Variants in GLI3 observed in about 807,000 individuals in gnomAD.
GLI3 encodes the protein transcription activator GLI3.
In GLI3, 20 loss-of-function variants were observed where a neutral mutation model predicts 100.8. The ratio of observed to expected loss-of-function variants is 0.20; its 90% CI spans 0.14 to 0.29. The LOEUF (loss-of-function observed/expected upper bound fraction) is 0.29. Among genes scored for constraint, GLI3 ranks in the 10% least tolerant of loss-of-function variants. The pLI, the probability that GLI3 is intolerant of heterozygous loss-of-function variation, is 1.00. For missense variants in GLI3, 2,040 were observed against 2,128.5 expected (o/e 0.96, Z 0.82); for synonymous variants, 938 against 860.5 (o/e 1.09, Z -1.58).
At chr7:42,230,460 G>A (rs77015151) in intron 1 of GLI3, among the ~76,000 whole-genome samples, 2,052 of 152,310 alleles carry the variant, frequency 0.013, 18 homozygotes, top group Middle Eastern at 0.024. Context: ...AGTGAATTTG[G>A]TTTTGGTAAA....
intron 4 of GLI3, among the ~76,000 whole-genome samples, chr7:42,070,310 T>C (rs1784759867): frequency 6.6e-6 from 1 of 152,250 alleles, no homozygotes; most frequent in African/African-American, 2.4e-5. Flanking sequence ...CTTCGCACAC[T>C]GCTGTATTTC....
intron 2 of GLI3, among the ~76,000 whole-genome samples, chr7:42,183,175 G>A (rs1333001604): frequency 1.3e-5 from 2 of 152,160 alleles, no homozygotes; most frequent in African/African-American, 4.8e-5. Context: ...AGTGAGCCGA[G>A]ATTGCGCCAT....
At chr7:42,136,486 C>G (rs1786431250) in intron 3 of GLI3, among the ~76,000 whole-genome samples, 1 of 152,190 alleles carries the variant, frequency 6.6e-6, no homozygotes, top group African/African-American at 2.4e-5. Context: ...TGGGAAATAT[C>G]ACACATATGG....
intron 3 of GLI3, among the ~76,000 whole-genome samples, chr7:42,135,340 A>C (rs1786400698): frequency 6.6e-6 from 1 of 152,128 alleles, no homozygotes; most frequent in South Asian, 2.1e-4. Flanking sequence ...TATTATAGTC[A>C]CTCTTAAAAG....
intron 5 of GLI3, among the ~76,000 whole-genome samples, chr7:42,045,737 A>C (rs1784232569): frequency 6.6e-6 from 1 of 152,230 alleles, no homozygotes; most frequent in Admixed American, 6.5e-5. Context: ...GGAATAGAAA[A>C]AAGTGAAATG....
At chr7:42,180,260 C>A (rs1787566715) in intron 2 of GLI3, among the ~76,000 whole-genome samples, 2 of 152,158 alleles carry the variant, frequency 1.3e-5, no homozygotes, top group Admixed American at 6.5e-5. Flanking sequence ...GAAAACTGAC[C>A]ACTGGTCTAA....
At chr7:42,078,775 A>G (rs918272698) in intron 3 of GLI3, among the ~76,000 whole-genome samples, 9 of 139,898 alleles carry the variant, frequency 6.4e-5, no homozygotes, top group Admixed American at 1.6e-4. Flanking sequence ...AGTCACCCAG[A>G]CTGGAGTGCA....
intron 3 of GLI3, among the ~76,000 whole-genome samples, chr7:42,079,009 G>A (rs1784942382): frequency 6.6e-6 from 1 of 152,096 alleles, no homozygotes; most frequent in Non-Finnish European, 1.5e-5. Flanking sequence ...GATTACAGGC[G>A]TCAGCCACCG....
intron 8 of GLI3, 29 bp from the exon 9 acceptor site, chr7:42,025,406 C>T: frequency 6.5e-7 from 1 of 1,527,492 alleles, no homozygotes; most frequent in South Asian, 1.1e-5. Context: ...GAGCCAGAGA[C>T]AAAAAGATTT....
chr7:42,074,742 A>G (rs1784845406), intron 4 of GLI3, among the ~76,000 whole-genome samples: 1 of 152,172 alleles, frequency 6.6e-6, no homozygotes, highest in Non-Finnish European at 1.5e-5. Context: ...TAAGCTCACC[A>G]TTCTCTGTGC....
chr7:42,232,366 C>T (rs1788710372), intron 1 of GLI3, among the ~76,000 whole-genome samples: 1 of 152,124 alleles, frequency 6.6e-6, no homozygotes, highest in South Asian at 2.1e-4. Context: ...CCCAGTCAAG[C>T]GGAAATCAGA....
chr7:41,999,520 T>C (rs1438485325), intron 10 of GLI3, among the ~76,000 whole-genome samples: 2 of 152,136 alleles, frequency 1.3e-5, no homozygotes, highest in Non-Finnish European at 1.5e-5. Flanking sequence ...GTGGTTATTC[T>C]TGCCCTCATC....
At chr7:42,089,389 T>C (rs1024242391) in intron 3 of GLI3, among the ~76,000 whole-genome samples, 1 of 152,172 alleles carries the variant, frequency 6.6e-6, no homozygotes, top group African/African-American at 2.4e-5. Context: ...AACAAAACAT[T>C]TGAAACAAAG....
intron 1 of GLI3, among the ~76,000 whole-genome samples, chr7:42,229,425 T>G (rs1433434195): frequency 6.6e-6 from 1 of 152,180 alleles, no homozygotes; most frequent in East Asian, 1.9e-4. Context: ...AAGTGAGAAA[T>G]TATTCCGTGT....
chr7:42,195,206 A>G (rs1332994636), intron 2 of GLI3, among the ~76,000 whole-genome samples: 1 of 152,204 alleles, frequency 6.6e-6, no homozygotes, highest in African/African-American at 2.4e-5. Flanking sequence ...CATACACTGT[A>G]GCTTGAGTCA....
At chr7:42,001,929 T>C (rs1029234585) in intron 10 of GLI3, among the ~76,000 whole-genome samples, 1 of 152,170 alleles carries the variant, frequency 6.6e-6, no homozygotes, top group Non-Finnish European at 1.5e-5. Context: ...GTGATATTTA[T>C]TTTTCCACAA....
intron 6 of GLI3, among the ~76,000 whole-genome samples, chr7:42,042,957 A>T (rs1333154397): frequency 6.6e-6 from 1 of 152,212 alleles, no homozygotes; most frequent in Non-Finnish European, 1.5e-5. Context: ...AGTTTATCCT[A>T]ACAAGCTACA....
intron 4 of GLI3, among the ~76,000 whole-genome samples, chr7:42,064,697 C>T (rs377168486): frequency 2.0e-5 from 3 of 152,124 alleles, no homozygotes; most frequent in East Asian, 1.9e-4. Flanking sequence ...AGCTGTGTTA[C>T]GCAGGAAGTA....
chr7:42,030,893 A>G (rs1156626748), intron 7 of GLI3, among the ~76,000 whole-genome samples: 8 of 151,794 alleles, frequency 5.3e-5, no homozygotes, highest in Admixed American at 4.6e-4. Context: ...TAATTTTTGT[A>G]TTTTTAGTAG....
Sources: allele counts gnomAD v4.1 joint callset (sites outside exome capture counted in the v4.1 genomes callset), GRCh38; gene constraint gnomAD v4.1.1; transcripts MANE v1.5; gene names NCBI Gene and HGNC (gene_info 2026-07-23, HGNC 2026-07-21).